Variants in GMDS observed in about 807,000 individuals in gnomAD.
GMDS encodes GDP-mannose 4,6 dehydratase.
In GMDS, 20 loss-of-function variants were observed where a neutral mutation model predicts 49.9. The observed-to-expected ratio is 0.40, with a 90% CI of 0.28 to 0.58. The LOEUF (loss-of-function observed/expected upper bound fraction) is 0.58. GMDS is among the 20% of genes least tolerant of loss of function. The pLI is 0.42. For synonymous variants in GMDS, 177 were observed against 178.6 expected, an observed-to-expected ratio of 0.99 and a Z score of 0.07; for missense variants, 362 against 481.4, an observed-to-expected ratio of 0.75 and a Z score of 2.32.
At chr6:2,172,730 G>A (rs144914083) in intron 1 of GMDS, among the ~76,000 whole-genome samples, 1 of 151,956 alleles carries the variant, frequency 6.6e-6, no homozygotes, top group African/African-American at 2.4e-5. Flanking sequence ...AATGCAAAAA[G>A]TATTAGAATT....
intron 4 of GMDS, among the ~76,000 whole-genome samples, chr6:2,084,131 A>C (rs1292015474): frequency 6.6e-6 from 1 of 152,226 alleles, no homozygotes; most frequent in Non-Finnish European, 1.5e-5. Flanking sequence ...CTTGGGTCAG[A>C]TTATAAAAAT....
intron 4 of GMDS, among the ~76,000 whole-genome samples, chr6:2,077,131 T>C (rs1249866187): frequency 6.6e-6 from 1 of 152,184 alleles, no homozygotes; most frequent in Non-Finnish European, 1.5e-5. Context: ...GATTTTTACA[T>C]GTTCATTTTG....
chr6:2,185,312 A>G (rs1266842088), intron 1 of GMDS, among the ~76,000 whole-genome samples: 1 of 152,194 alleles, frequency 6.6e-6, no homozygotes, highest in African/African-American at 2.4e-5. Flanking sequence ...GCTGCAGCAT[A>G]TTGGCATGCA....
At chr6:1,820,290 C>T (rs1019043313) in intron 7 of GMDS, among the ~76,000 whole-genome samples, 3 of 152,100 alleles carry the variant, frequency 2.0e-5, no homozygotes. Flanking sequence ...GTAGTAAAAA[C>T]ATACACACAA....
At chr6:2,217,051 C>G (rs9328085) in intron 1 of GMDS, among the ~76,000 whole-genome samples, 3,571 of 152,290 alleles carry the variant, frequency 0.023, 149 homozygotes, top group African/African-American at 0.079. Context: ...CAGCCGCCCA[C>G]CTGGCCTGAG....
In GMDS at chr6:1,656,915, C is replaced by T. The variant is rs141740577; in HGVS notation, c.988-32375G>A. On this transcript the variant is annotated intron_variant, in intron 9 of 10. Coordinates refer to ENST00000380815, the MANE Select transcript of GMDS (RefSeq NM_001500.4). Reference sequence around the variant, plus strand: ...TTCAAGCAGCCTCTTCCCCAGGAGGCAATCTTTACCTTCACTAGCCACAAG... The same window carrying T: ...TTCAAGCAGCCTCTTCCCCAGGAGGTAATCTTTACCTTCACTAGCCACAAG... Among the ~76,000 whole-genome samples, 1,162 of 152,224 alleles carry T rather than the reference C, an allele frequency of 7.6e-3. 16 individuals are homozygous for T. Among genetic ancestry groups the T allele is most frequent in the African/African-American group, 0.026 (1,095 of 41,550 alleles).
intron 1 of GMDS, among the ~76,000 whole-genome samples, chr6:2,166,508 G>A (rs1024370972): frequency 6.6e-6 from 1 of 152,114 alleles, no homozygotes; most frequent in African/African-American, 2.4e-5. Context: ...AATTACACAA[G>A]GACATCTGAA....
chr6:2,052,775 G>T (rs906609430), intron 4 of GMDS, among the ~76,000 whole-genome samples: 4 of 152,134 alleles, frequency 2.6e-5, no homozygotes, highest in African/African-American at 9.7e-5. Context: ...CCATCATGGG[G>T]AAAAAATCCA....
chr6:1,726,087 C>G (rs1318619950), intron 9 of GMDS, among the ~76,000 whole-genome samples: 1 of 152,218 alleles, frequency 6.6e-6, no homozygotes, highest in Non-Finnish European at 1.5e-5. Context: ...GTTGTTAAGT[C>G]AGGCATCCTG....
chr6:2,218,824 A>C (rs1028353098), intron 1 of GMDS, among the ~76,000 whole-genome samples: 1 of 152,222 alleles, frequency 6.6e-6, no homozygotes, highest in African/African-American at 2.4e-5. Flanking sequence ...TACATTATGA[A>C]ACTGAGGTTT....
intron 1 of GMDS, among the ~76,000 whole-genome samples, chr6:2,152,499 T>C (rs1562101451): frequency 6.6e-6 from 1 of 152,108 alleles, no homozygotes. Flanking sequence ...GGAAATATCC[T>C]ATTTATACTA....
At chr6:1,951,309 GA>G (rs1400570610) in intron 6 of GMDS, among the ~76,000 whole-genome samples, 2 of 152,076 alleles carry the variant, frequency 1.3e-5, no homozygotes, top group Admixed American at 1.3e-4. Flanking sequence ...TGCTCAAGAC[GA>G]AAACTCAAAA....
At chr6:2,076,511 T>C (rs1339322818) in intron 4 of GMDS, among the ~76,000 whole-genome samples, 1 of 152,164 alleles carries the variant, frequency 6.6e-6, no homozygotes, top group Non-Finnish European at 1.5e-5. Flanking sequence ...CTTCAAACTG[T>C]ACTACAAGGC....
Position 1,640,081 on chromosome 6 carries a change from G to A in GMDS, c.988-15541C>T, listed in dbSNP as rs1763281429. Among the ~76,000 whole-genome samples, 1 of 152,130 alleles carries A rather than the reference G, an allele frequency of 6.6e-6. No individual in the cohort carries two copies. The highest frequency in any genetic ancestry group is 1.5e-5 in the Non-Finnish European group (1 of 68,024). On this transcript the variant is annotated intron_variant, in intron 9 of 10. Transcript: ENST00000380815. This position sits in a 1 kb window ranked among gnomAD's most constrained non-coding sequence, Gnocchi z 4.0. ...CCGACAGACAGCAGCTCCTGCCACTGCACAGTCAGTGACGGCTCTACTGGG... is the reference window on the plus strand; with the variant it reads ...CCGACAGACAGCAGCTCCTGCCACTACACAGTCAGTGACGGCTCTACTGGG...
chr6:1,953,584 TAAG>T (rs1465962214), intron 6 of GMDS, among the ~76,000 whole-genome samples: 14 of 152,316 alleles, frequency 9.2e-5, no homozygotes, highest in African/African-American at 3.1e-4. Flanking sequence ...CTGCCAATGT[TAAG>T]AATTAAGACA....
At chr6:1,708,603 G>A (rs568772471) in intron 9 of GMDS, among the ~76,000 whole-genome samples, 1 of 152,334 alleles carries the variant, frequency 6.6e-6, no homozygotes, top group African/African-American at 2.4e-5. Flanking sequence ...AAGCAGGTTT[G>A]GGTTTTCCTC....
At chr6:1,877,969 A>C (rs1221633912) in intron 7 of GMDS, among the ~76,000 whole-genome samples, 1 of 152,180 alleles carries the variant, frequency 6.6e-6, no homozygotes, top group Non-Finnish European at 1.5e-5. Flanking sequence ...GATTGGCTAC[A>C]TCCTTGGTAT....
At chr6:2,044,912 C>T (rs146866829) in intron 4 of GMDS, among the ~76,000 whole-genome samples, 16 of 151,498 alleles carry the variant, frequency 1.1e-4, no homozygotes, top group African/African-American at 3.6e-4. Context: ...TTTTTTCAGG[C>T]CTTTGATAAC....
chr6:2,057,670 T>C (rs563738143), intron 4 of GMDS, among the ~76,000 whole-genome samples: 2 of 152,304 alleles, frequency 1.3e-5, no homozygotes, highest in African/African-American at 4.8e-5. Flanking sequence ...TCATCTGCTA[T>C]AGTAAAATTG....
Sources: allele counts gnomAD v4.1 joint callset (sites outside exome capture counted in the v4.1 genomes callset), GRCh38; gene constraint gnomAD v4.1.1; non-coding constraint Gnocchi (gnomAD v3.1); transcripts MANE v1.5; gene names NCBI Gene and HGNC (gene_info 2026-07-23, HGNC 2026-07-21).